The following WDPCP variants were observed in gnomAD, a reference collection of about 807,000 sequenced individuals.
WDPCP encodes the protein WD repeat containing planar cell polarity effector, also known as WD repeat-containing and planar cell polarity effector protein fritz homolog.
In WDPCP, 71 loss-of-function variants were observed where a neutral mutation model predicts 93.1. That is an observed-to-expected ratio of 0.76 (90% CI 0.63 to 0.93). The LOEUF (loss-of-function observed/expected upper bound fraction) is 0.93, where lower values mean the gene tolerates loss of function less well. WDPCP is among the 40% of genes least tolerant of loss of function. The pLI is 0.00. For synonymous variants in WDPCP, 315 were observed against 315.0 expected (o/e 1.00, Z 0.00); for missense variants, 844 against 887.4 (o/e 0.95, Z 0.62).
chr2:63,287,190 T>C (rs1453717650), intron 13 of WDPCP, among the ~76,000 whole-genome samples: 1 of 152,070 alleles, frequency 6.6e-6, no homozygotes, highest in African/African-American at 2.4e-5. Context: ...CTTAATTACC[T>C]CCTTCAAAGG....
At chr2:63,216,772 T>G (rs1033901975) in intron 14 of WDPCP, among the ~76,000 whole-genome samples, 3 of 152,082 alleles carry the variant, frequency 2.0e-5, no homozygotes, top group Admixed American at 6.6e-5. Context: ...CAAACTTAAT[T>G]TTTTTCCTAA....
At chr2:63,136,785 C>T (rs1670650476) in intron 17 of WDPCP, among the ~76,000 whole-genome samples, 1 of 152,084 alleles carries the variant, frequency 6.6e-6, no homozygotes, top group African/African-American at 2.4e-5. Flanking sequence ...TCATTTAGCT[C>T]CCACTTGTAA....
intron 3 of WDPCP, among the ~76,000 whole-genome samples, chr2:63,629,502 A>G (rs1422701063): frequency 6.6e-6 from 1 of 152,172 alleles, no homozygotes; most frequent in East Asian, 1.9e-4. Context: ...CTCCTCTCCC[A>G]CCTACATGCT....
upstream of WDPCP, chr2:63,593,648 T>TG: frequency 2.1e-6 from 1 of 471,678 alleles, no homozygotes; most frequent in Non-Finnish European, 4.4e-6. Flanking sequence ...AAGGTGACAG[T>TG]GGAAGTACAT....
At chr2:63,126,837 G>A (rs1669942207) in intron 17 of WDPCP, among the ~76,000 whole-genome samples, 1 of 151,526 alleles carries the variant, frequency 6.6e-6, no homozygotes, top group African/African-American at 2.4e-5. Context: ...CACTGTGCCT[G>A]GATAATTTTT....
chr2:63,483,729 A>C (rs1419055467), intron 6 of WDPCP, among the ~76,000 whole-genome samples: 3 of 151,994 alleles, frequency 2.0e-5, no homozygotes, highest in African/African-American at 7.2e-5. Flanking sequence ...ATTTGATTCC[A>C]TACATCAGTT....
At chr2:63,815,445 T>C (rs987610652) in intron 1 of WDPCP, among the ~76,000 whole-genome samples, 1 of 152,248 alleles carries the variant, frequency 6.6e-6, no homozygotes, top group Non-Finnish European at 1.5e-5. Flanking sequence ...AGATACTCTT[T>C]TCCTTATTTT....
intron 3 of WDPCP, among the ~76,000 whole-genome samples, chr2:63,623,972 A>G (rs529285293): frequency 1.3e-5 from 2 of 152,348 alleles, no homozygotes; most frequent in African/African-American, 2.4e-5. Flanking sequence ...AACAGAAATC[A>G]TAACAAACAG....
intron 12 of WDPCP, among the ~76,000 whole-genome samples, chr2:63,347,853 ACTTCTGT>A (rs1483965310): frequency 6.6e-6 from 1 of 151,992 alleles, no homozygotes; most frequent in Non-Finnish European, 1.5e-5. Context: ...AGGGACCTAA[ACTTCTGT>A]CATTTTGGAC....
At chr2:63,344,176 G>A (rs148615554) in intron 12 of WDPCP, among the ~76,000 whole-genome samples, 1 of 152,110 alleles carries the variant, frequency 6.6e-6, no homozygotes, top group Non-Finnish European at 1.5e-5. Context: ...TGTTACTGCT[G>A]AGGGCTGCAG....
At chr2:63,428,185 CAA>C (rs34685763) in intron 9 of WDPCP, among the ~76,000 whole-genome samples, 2,327 of 139,770 alleles carry the variant, frequency 0.017, 57 homozygotes, top group African/African-American at 0.056. Flanking sequence ...GAAACTATTC[CAA>C]AAAAAAAAAA....
intron 12 of WDPCP, among the ~76,000 whole-genome samples, chr2:63,346,604 T>C (rs767152227): frequency 6.6e-6 from 1 of 152,190 alleles, no homozygotes; most frequent in Non-Finnish European, 1.5e-5. Context: ...CTGCCTGTTA[T>C]TGTTCTTTTC....
At chr2:63,389,992 T>C (rs7594087) in intron 10 of WDPCP, among the ~76,000 whole-genome samples, 85,503 of 151,854 alleles carry the variant, frequency 0.56, 24,405 homozygotes, top group Admixed American at 0.64. Flanking sequence ...ATCAATGAGA[T>C]AGAAGGTTAA....
At chr2:63,771,096 T>G (rs1163043514) in intron 2 of WDPCP, among the ~76,000 whole-genome samples, 2 of 151,692 alleles carry the variant, frequency 1.3e-5, no homozygotes, top group Non-Finnish European at 2.9e-5. Flanking sequence ...CTCAATAATT[T>G]TTAAAAGTGT....
chr2:63,312,904 T>C (rs1017642728), intron 13 of WDPCP, among the ~76,000 whole-genome samples: 1 of 152,062 alleles, frequency 6.6e-6, no homozygotes, highest in African/African-American at 2.4e-5. Flanking sequence ...CTGGATTCTA[T>C]AGCTTTTCTT....
At chr2:63,287,530 T>C (rs1031126010) in intron 13 of WDPCP, among the ~76,000 whole-genome samples, 1 of 152,184 alleles carries the variant, frequency 6.6e-6, no homozygotes, top group Non-Finnish European at 1.5e-5. Flanking sequence ...CTCCTCCCAA[T>C]TTTGGTAGCA....
chr2:63,651,368 G>C (rs1271340610), intron 2 of WDPCP, among the ~76,000 whole-genome samples: 4 of 152,138 alleles, frequency 2.6e-5, no homozygotes, highest in Non-Finnish European at 5.9e-5. Context: ...GGAAGGGGAA[G>C]TCACTCTGGT....
chr2:63,477,170 CATA>C (rs913331229), intron 6 of WDPCP, among the ~76,000 whole-genome samples: 1 of 151,970 alleles, frequency 6.6e-6, no homozygotes, highest in African/African-American at 2.4e-5. Context: ...TGACTTAAAC[CATA>C]ATACTTTATT....
intron 1 of WDPCP, among the ~76,000 whole-genome samples, chr2:63,542,948 T>C (rs1704855359): frequency 6.6e-6 from 1 of 152,112 alleles, no homozygotes; most frequent in African/African-American, 2.4e-5. Flanking sequence ...AAATGTGTAA[T>C]AATTTATTCA....
Sources: gnomAD v4.1 joint callset for allele counts (sites outside exome capture counted in the v4.1 genomes callset) on GRCh38, gnomAD v4.1.1 for gene constraint, MANE v1.5 for transcripts, NCBI Gene and HGNC (gene_info 2026-07-23, HGNC 2026-07-21) for gene names.